The following OGDH variants were observed in gnomAD, a reference collection of about 807,000 sequenced individuals.
OGDH encodes 2-oxoglutarate dehydrogenase complex component E1.
OGDH carries 38 observed loss-of-function variants against 116.6 expected under a neutral mutation model. The observed-to-expected ratio is 0.33, with a 90% CI of 0.25 to 0.43. OGDH has a LOEUF of 0.43. OGDH is among the 20% of genes least tolerant of loss of function. The pLI, the probability that OGDH is intolerant of heterozygous loss-of-function variation, is 1.00. For missense variants in OGDH, 825 were observed against 1,357.2 expected (o/e 0.61, Z 6.16); for synonymous variants, 488 against 533.3 (o/e 0.92, Z 1.17).
chr7:44,609,985 T>C (rs1403163728), intron 1 of OGDH, among the ~76,000 whole-genome samples: 1 of 152,168 alleles, frequency 6.6e-6, no homozygotes, highest in Admixed American at 6.6e-5. Flanking sequence ...CTGTCTATTC[T>C]CTCTTTTTTT....
chr7:44,707,329 A>T lies in OGDH; in HGVS notation c.2737A>T (p.Thr913Ser). 1 of 1,614,192 alleles carries T rather than the reference A, an allele frequency of 6.2e-7. No individual in the cohort carries two copies. Among genetic ancestry groups the T allele is most frequent in the Non-Finnish European group, 8.5e-7 (1 of 1,180,028 alleles). ...CACCGGCAAAGTGTATTATGACCTC[A>T]CCCGGGAGCGCAAAGCACGCGACAT... Reference protein sequence around the residue: ...FCTGKVYYDLTRERKARDMVG... With the variant: ...FCTGKVYYDLSRERKARDMVG... Residue 913 changes from threonine (T) to serine (S), a missense_variant, in exon 21 of 23, where the codon ACC becomes TCC. Physicochemically the swap from Thr to Ser is moderately conservative, Grantham distance 58. This residue lies in a region of OGDH where 212 missense variants were observed against 284.3 expected (regional missense o/e 0.75). Coordinates refer to ENST00000222673, the MANE Select transcript of OGDH (RefSeq NM_002541.4). This position sits in a 1 kb window ranked among gnomAD's most constrained non-coding sequence, Gnocchi z 5.2.
intron 4 of OGDH, among the ~76,000 whole-genome samples, chr7:44,659,168 T>C (rs1358468775): frequency 1.3e-5 from 2 of 152,114 alleles, no homozygotes; most frequent in Non-Finnish European, 2.9e-5. Flanking sequence ...GATGATTTAA[T>C]GCTAATGTCG....
chr7:44,669,687 C>T (rs1787348251), intron 5 of OGDH, among the ~76,000 whole-genome samples: 1 of 152,128 alleles, frequency 6.6e-6, no homozygotes, highest in African/African-American at 2.4e-5. Context: ...GGCTGCCTCC[C>T]TTTCAGTCCA....
chr7:44,655,537 T>C (rs959585882), intron 4 of OGDH, among the ~76,000 whole-genome samples: 1 of 152,196 alleles, frequency 6.6e-6, no homozygotes, highest in Non-Finnish European at 1.5e-5. Flanking sequence ...GCACTCTGAG[T>C]GCTCAACCAT....
At chr7:44,623,909 G>T (rs1268985623) in intron 1 of OGDH, among the ~76,000 whole-genome samples, 2 of 152,180 alleles carry the variant, frequency 1.3e-5, no homozygotes, top group African/African-American at 4.8e-5. Context: ...CTCCCAAAGT[G>T]CTGGGATTAC....
intron 20 of OGDH, among the ~76,000 whole-genome samples, chr7:44,702,798 G>C (rs757947619): frequency 6.6e-6 from 1 of 151,970 alleles, no homozygotes; most frequent in African/African-American, 2.4e-5. Flanking sequence ...GGGTTTCACC[G>C]TGTTAGCCAG....
chr7:44,695,365 G>A (rs1788534928), intron 12 of OGDH, among the ~76,000 whole-genome samples: 1 of 152,118 alleles, frequency 6.6e-6, no homozygotes, highest in Non-Finnish European at 1.5e-5. Flanking sequence ...CAAAGTGCTG[G>A]GATTATAGGC....
In OGDH at chr7:44,616,995, C is replaced by T. The variant is rs1264516854; in HGVS notation, c.-27-7322C>T. Among the ~76,000 whole-genome samples the T allele has an allele frequency of 3.7e-4, 52 of 140,622 alleles. 1 individual carries two copies. In the East Asian group the frequency reaches 7.3e-3, roughly 20 times the overall value. The allele number at this position is 140,622 out of a possible 152,430, so 92.3% of individuals were successfully genotyped here. A position where few individuals can be genotyped will look rare whatever the true frequency, so the allele number is the denominator to read the frequency against. ...TGTCGTCCAGGCTGGAGTGCAGTGG[C>T]GCGATCTCGGCTCACAGTAACCACC... On this transcript the variant is annotated intron_variant, in intron 1 of 22. Transcript: ENST00000222673.
At chr7:44,638,236 G>A (rs1585262027) in intron 2 of OGDH, among the ~76,000 whole-genome samples, 1 of 152,168 alleles carries the variant, frequency 6.6e-6, no homozygotes, top group African/African-American at 2.4e-5. Flanking sequence ...CTAGTGATGG[G>A]TTGCAACTTG....
At chr7:44,663,558 C>A (rs1202635477) in intron 4 of OGDH, among the ~76,000 whole-genome samples, 1 of 152,208 alleles carries the variant, frequency 6.6e-6, no homozygotes, top group Non-Finnish European at 1.5e-5. Flanking sequence ...CATTTGAGGT[C>A]AGGAGTTCTA....
chr7:44,679,669 A>G (rs958855452), intron 9 of OGDH, among the ~76,000 whole-genome samples: 8 of 152,178 alleles, frequency 5.3e-5, no homozygotes, highest in Admixed American at 3.3e-4. Context: ...TCTAGATGGC[A>G]TTTTGTAAAG....
At chr7:44,671,010 C>CAAAAA (rs111818473) in intron 5 of OGDH, among the ~76,000 whole-genome samples, 30 of 68,066 alleles carry the variant, frequency 4.4e-4, no homozygotes, top group Non-Finnish European at 7.0e-4. Context: ...GACTCCATCT[C>CAAAAA]AAAAAAAAAA....
chr7:44,680,172 A>G (rs1787867433), intron 9 of OGDH, among the ~76,000 whole-genome samples: 1 of 152,164 alleles, frequency 6.6e-6, no homozygotes, highest in African/African-American at 2.4e-5. Context: ...AGATCGTGCC[A>G]CTGCACTCCA....
intron 2 of OGDH, among the ~76,000 whole-genome samples, chr7:44,638,288 G>A (rs1785765055): frequency 6.6e-6 from 1 of 152,162 alleles, no homozygotes; most frequent in African/African-American, 2.4e-5. Context: ...TTGTGACTCA[G>A]AAGTCCCTGT....
At chr7:44,648,362 G>T (rs537629604) in intron 4 of OGDH, among the ~76,000 whole-genome samples, 1 of 152,280 alleles carries the variant, frequency 6.6e-6, no homozygotes, top group South Asian at 2.1e-4. Flanking sequence ...GTTTTGTCAC[G>T]GTTGCCAGAA....
intron 9 of OGDH, among the ~76,000 whole-genome samples, chr7:44,681,213 A>G (rs1445722873): frequency 2.0e-5 from 3 of 152,242 alleles, no homozygotes; most frequent in Non-Finnish European, 1.5e-5. Context: ...AGTGAAAGGG[A>G]GGATAGCAGA....
At chr7:44,617,677 A>G (rs1170643309) in intron 1 of OGDH, among the ~76,000 whole-genome samples, 1 of 152,222 alleles carries the variant, frequency 6.6e-6, no homozygotes, top group Non-Finnish European at 1.5e-5. Flanking sequence ...ATAGGTCTGT[A>G]GCAAATGTGT....
chr7:44,653,405 T>C lies in OGDH; in HGVS notation c.517+5646T>C, dbSNP rs910413898. Among the ~76,000 whole-genome samples the C allele has an allele frequency of 3.3e-5, 5 of 152,008 alleles. No homozygotes were observed. In the East Asian group the frequency reaches 9.7e-4, roughly 29 times the overall value. Reference sequence around the variant, plus strand: ...ACTGCGCCTGGCCCAATTTTATCTTTCAAGTGTAGCATTCGAATTAGTTTC... The same window carrying C: ...ACTGCGCCTGGCCCAATTTTATCTTCCAAGTGTAGCATTCGAATTAGTTTC... On this transcript the variant is annotated intron_variant, in intron 4 of 22. Coordinates refer to ENST00000222673, the MANE Select transcript of OGDH (RefSeq NM_002541.4).
At chr7:44,649,994 C>T (rs1233910460) in intron 4 of OGDH, among the ~76,000 whole-genome samples, 2 of 152,088 alleles carry the variant, frequency 1.3e-5, no homozygotes, top group African/African-American at 4.8e-5. Flanking sequence ...CTAAAGCTTC[C>T]TGAAATCCTT....
Sources: gnomAD v4.1 joint callset for allele counts (sites outside exome capture counted in the v4.1 genomes callset) on GRCh38, gnomAD v4.1.1 for gene constraint, gnomAD v4.1.1 regional missense constraint, Gnocchi (gnomAD v3.1) non-coding constraint, MANE v1.5 for transcripts, NCBI Gene and HGNC (gene_info 2026-07-23, HGNC 2026-07-21) for gene names.